The following KHDRBS2 variants were observed in gnomAD, a reference collection of about 807,000 sequenced individuals.
KHDRBS2 encodes KH RNA binding domain containing, signal transduction associated 2.
A neutral mutation model predicts 44.3 loss-of-function variants in KHDRBS2; 26 were observed. The ratio of observed to expected loss-of-function variants is 0.59; its 90% CI spans 0.43 to 0.81. KHDRBS2 has a LOEUF of 0.81. Among genes scored for constraint, KHDRBS2 ranks in the 40% least tolerant of loss-of-function variants. The pLI is 0.00. For missense variants in KHDRBS2, 476 were observed against 433.1 expected, an observed-to-expected ratio of 1.10 and a Z score of -0.88; for synonymous variants, 194 against 151.1, an observed-to-expected ratio of 1.28 and a Z score of -2.08.
chr6:61,825,323 A>G (rs1387440267), intron 6 of KHDRBS2, among the ~76,000 whole-genome samples: 2 of 152,188 alleles, frequency 1.3e-5, no homozygotes, highest in Non-Finnish European at 2.9e-5. Context: ...GGCAAAACAT[A>G]TTCTGAGTCC....
chr6:62,048,401 A>C (rs1470345527), intron 2 of KHDRBS2, among the ~76,000 whole-genome samples: 1 of 151,876 alleles, frequency 6.6e-6, no homozygotes, highest in East Asian at 1.9e-4. Context: ...TGAACCTTCA[A>C]AATTGTAAAA....
chr6:61,858,808 A>G (rs1796504891), intron 6 of KHDRBS2, among the ~76,000 whole-genome samples: 1 of 151,990 alleles, frequency 6.6e-6, no homozygotes, highest in Non-Finnish European at 1.5e-5. Flanking sequence ...AATGTAATAT[A>G]TAATAGCTAG....
At position 61,987,178 on chromosome 6, in the gene KHDRBS2, A is replaced by G. The variant is rs550500587; in HGVS notation, c.337-8966T>C. 2.9e-3 allele frequency among the ~76,000 whole-genome samples: 437 copies of G among 152,300 alleles called. 3 individuals carry two copies. The highest frequency in any genetic ancestry group is 4.7e-3 in the Non-Finnish European group (321 of 68,014). On this transcript the variant is annotated intron_variant, in intron 3 of 8. Transcript: ENST00000281156. ...ATTTCAGCCTTCGAATTCCTCACCT[A>G]TAAAATGTGGGTAGTTATAACAGTA... is the stretch of plus-strand genomic sequence containing the variant.
At chr6:61,997,686 T>C (rs1777455172) in intron 3 of KHDRBS2, among the ~76,000 whole-genome samples, 1 of 152,122 alleles carries the variant, frequency 6.6e-6, no homozygotes, top group African/African-American at 2.4e-5. Context: ...TAATCCTCAA[T>C]AAAGCCCTTA....
chr6:61,795,181 T>C (rs1415401540), intron 6 of KHDRBS2, among the ~76,000 whole-genome samples: 4 of 150,264 alleles, frequency 2.7e-5, no homozygotes, highest in African/African-American at 9.8e-5. Flanking sequence ...GAAAAACATA[T>C]TTTAGTTTTT....
At chr6:62,006,762 AT>A (rs1402397797) in intron 3 of KHDRBS2, among the ~76,000 whole-genome samples, 1 of 152,036 alleles carries the variant, frequency 6.6e-6, no homozygotes, top group African/African-American at 2.4e-5. Context: ...TAAATAGTAA[AT>A]TTCCATTAAT....
chr6:61,751,635 G>T (rs1203603928), intron 6 of KHDRBS2, among the ~76,000 whole-genome samples: 2 of 152,134 alleles, frequency 1.3e-5, no homozygotes, highest in East Asian at 3.9e-4. Flanking sequence ...AAGTAGGAAG[G>T]AGCTGCTATT....
At chr6:62,127,544 A>G (rs1284440921) in intron 2 of KHDRBS2, among the ~76,000 whole-genome samples, 1 of 152,012 alleles carries the variant, frequency 6.6e-6, no homozygotes, top group African/African-American at 2.4e-5. Context: ...TCTAATTTGA[A>G]TAATGGTTTT....
intron 6 of KHDRBS2, among the ~76,000 whole-genome samples, chr6:61,774,379 T>A (rs532078330): frequency 6.6e-6 from 1 of 151,648 alleles, no homozygotes; most frequent in Non-Finnish European, 1.5e-5. Flanking sequence ...GATGACATGA[T>A]TGTATATCTA....
At position 62,096,939 on chromosome 6, in the gene KHDRBS2, T is replaced by C. The variant is rs542329549; in HGVS notation, c.220-48945A>G. Among the ~76,000 whole-genome samples the C allele has an allele frequency of 2.0e-5, 3 of 152,074 alleles. No individual in the cohort carries two copies. In the East Asian group the frequency reaches 5.8e-4, roughly 29 times the overall value. ...GATTTGGGAAGGATGTGTTTCCATT[T>C]TCATTTATCTCAGTAAATATTTTAA... is the stretch of plus-strand genomic sequence containing the variant. On this transcript the variant is annotated intron_variant, in intron 2 of 8. Transcript: ENST00000281156.
chr6:61,902,034 C>T (rs1198295182), intron 4 of KHDRBS2, among the ~76,000 whole-genome samples: 1 of 152,168 alleles, frequency 6.6e-6, no homozygotes, highest in Non-Finnish European at 1.5e-5. Context: ...TGGCTCACTG[C>T]CGCCTCCGCT....
chr6:61,792,998 C>G (rs1784835569), intron 6 of KHDRBS2, among the ~76,000 whole-genome samples: 1 of 151,796 alleles, frequency 6.6e-6, no homozygotes, highest in African/African-American at 2.4e-5. Context: ...AGGGTTTCCT[C>G]CACTCAATAT....
chr6:61,649,556 G>T, the KHDRBS2 span, among the ~76,000 whole-genome samples: 1 of 152,020 alleles, frequency 6.6e-6, no homozygotes, highest in African/African-American at 2.4e-5. Flanking sequence ...ATCTCCACTG[G>T]GGTGTCACAT....
the KHDRBS2 span, among the ~76,000 whole-genome samples, chr6:61,651,575 T>C: frequency 1.3e-5 from 2 of 152,196 alleles, no homozygotes; most frequent in South Asian, 4.1e-4. Context: ...TTGGCCTGAA[T>C]TATTATGATG....
chr6:62,089,875 C>A (rs1026217677), intron 2 of KHDRBS2, among the ~76,000 whole-genome samples: 13 of 152,036 alleles, frequency 8.6e-5, no homozygotes, highest in African/African-American at 2.9e-4. Flanking sequence ...AGATGTAGAG[C>A]CACTCTAGGT....
chr6:61,955,336 ATATG>A (rs1278297860), intron 4 of KHDRBS2, among the ~76,000 whole-genome samples: 6 of 109,580 alleles, frequency 5.5e-5, no homozygotes, highest in African/African-American at 1.9e-4. Context: ...ATATATACAC[ATATG>A]TATGTATACA....
At chr6:62,065,225 C>A (rs1317180451) in intron 2 of KHDRBS2, among the ~76,000 whole-genome samples, 1 of 152,096 alleles carries the variant, frequency 6.6e-6, no homozygotes, top group African/African-American at 2.4e-5. Flanking sequence ...GTCAGTGTGG[C>A]CATTCCTCAG....
At chr6:61,589,452 T>A in the KHDRBS2 span, among the ~76,000 whole-genome samples, 1,627 of 152,272 alleles carry the variant, frequency 0.011, 28 homozygotes, top group African/African-American at 0.038. Context: ...TTTCAGCAAC[T>A]AAGTTTAAAT....
At chr6:62,179,729 CT>C (rs1821873915) in intron 1 of KHDRBS2, among the ~76,000 whole-genome samples, 1 of 151,666 alleles carries the variant, frequency 6.6e-6, no homozygotes, top group Non-Finnish European at 1.5e-5. Flanking sequence ...CTACCTTAGG[CT>C]TTTTTAGACA....
Sources: allele counts gnomAD v4.1 joint callset (sites outside exome capture counted in the v4.1 genomes callset), GRCh38; gene constraint gnomAD v4.1.1; transcripts MANE v1.5; gene names NCBI Gene and HGNC (gene_info 2026-07-23, HGNC 2026-07-21).